Variants in CLMP observed in about 807,000 individuals in gnomAD.
CLMP encodes CXADR like cell adhesion molecule.
Under a neutral mutation model 45.2 loss-of-function variants are expected in CLMP, and 27 were observed. The observed-to-expected ratio is 0.60, with a 90% CI of 0.44 to 0.82. CLMP has a LOEUF of 0.82. Ranked by LOEUF, CLMP falls within the 40% of genes least tolerant of loss-of-function variation. CLMP has a pLI of 0.00. For synonymous variants in CLMP, 167 were observed against 171.4 expected (o/e 0.97, Z 0.20); for missense variants, 403 against 448.4 (o/e 0.90, Z 0.91).
rs748437194 is a variant in CLMP at position 123,083,871 on chromosome 11, AAGTGT to A, written c.389-29_389-25del. 1.6e-5 allele frequency: 25 copies of A among 1,609,504 alleles called. 1 individual carries two copies. In the South Asian group the frequency reaches 2.6e-4, roughly 17 times the overall value. On this transcript the variant is annotated intron_variant, in intron 3 of 6. Coordinates refer to ENST00000448775, the MANE Select transcript of CLMP (RefSeq NM_024769.5). ...CACTGGCAACAGCAACAACAAGCAA[AAGTGT>A]AGTGATTCAAAGATCCCCAAACACC...
intron 1 of CLMP, among the ~76,000 whole-genome samples, chr11:123,186,713 G>A (rs905056491): frequency 6.6e-6 from 1 of 152,156 alleles, no homozygotes; most frequent in South Asian, 2.1e-4. Context: ...AGTAGAGACA[G>A]GGTTTCGCCA....
chr11:123,185,263 G>C (rs1004183089), intron 1 of CLMP, among the ~76,000 whole-genome samples: 4 of 152,266 alleles, frequency 2.6e-5, no homozygotes, highest in Non-Finnish European at 5.9e-5. Context: ...GTTGGGGAGG[G>C]AGGGAGAGAG....
intron 1 of CLMP, among the ~76,000 whole-genome samples, chr11:123,101,744 T>C (rs1293031426): frequency 6.6e-6 from 1 of 152,218 alleles, no homozygotes; most frequent in African/African-American, 2.4e-5. Flanking sequence ...ACATTTAGGT[T>C]ACAGTTTAAA....
chr11:123,136,146 C>T (rs1363052886), intron 1 of CLMP: 1 of 627,122 alleles, frequency 1.6e-6, no homozygotes, highest in Non-Finnish European at 3.1e-6. Flanking sequence ...AGAAAGTCAC[C>T]ACCTACTGCA....
chr11:123,150,566 AAGG>A (rs1157349043), intron 1 of CLMP, among the ~76,000 whole-genome samples: 11 of 122,120 alleles, frequency 9.0e-5, no homozygotes, highest in African/African-American at 4.0e-4. Flanking sequence ...GAAGGAAAGG[AAGG>A]AAGGAAGGAA....
At position 123,074,846 on chromosome 11, in the gene CLMP, A is replaced by G. The variant is rs761931052; in HGVS notation, c.680-3T>C. 9 of 1,610,414 alleles carry G rather than the reference A, an allele frequency of 5.6e-6. No homozygotes were observed. Among genetic ancestry groups the G allele is most frequent in the Admixed American group, 5.1e-5 (3 of 58,716 alleles). On this transcript the variant is annotated splice_polypyrimidine_tract_variant and splice_region_variant and intron_variant, in intron 5 of 6. Transcript: ENST00000448775. Reference sequence around the variant, plus strand: ...AACCATGCCGATGCTTTGTACATCTATTTTCTCAGAAGCAAAAGCACAAGT... The same window carrying G: ...AACCATGCCGATGCTTTGTACATCTGTTTTCTCAGAAGCAAAAGCACAAGT...
intron 1 of CLMP, among the ~76,000 whole-genome samples, chr11:123,150,823 T>A (rs977144071): frequency 3.3e-5 from 5 of 152,000 alleles, no homozygotes; most frequent in African/African-American, 1.2e-4. Flanking sequence ...TTCAAGTGAG[T>A]CTCATACCTC....
intron 1 of CLMP, among the ~76,000 whole-genome samples, chr11:123,154,740 T>A (rs1439514144): frequency 6.6e-6 from 1 of 152,188 alleles, no homozygotes; most frequent in Non-Finnish European, 1.5e-5. Context: ...CCTAAAATAA[T>A]AACTGCTTTA....
chr11:123,074,574 A>G (rs952358836), intron 6 of CLMP, 128 bp downstream of exon 6: 3 of 941,486 alleles, frequency 3.2e-6, no homozygotes, highest in Non-Finnish European at 4.9e-6. Flanking sequence ...GGAACTTCCT[A>G]CCTACCAGGA....
intron 1 of CLMP, among the ~76,000 whole-genome samples, chr11:123,163,858 G>C (rs1431242567): frequency 6.6e-6 from 1 of 152,204 alleles, no homozygotes; most frequent in Admixed American, 6.5e-5. Flanking sequence ...TTGGGAGCTA[G>C]AGTGTCTCTG....
intron 2 of CLMP, among the ~76,000 whole-genome samples, chr11:123,091,072 C>CTTCT (rs532210019): frequency 6.6e-6 from 1 of 151,894 alleles, no homozygotes; most frequent in Non-Finnish European, 1.5e-5. Flanking sequence ...GATTCTTTTC[C>CTTCT]TTCTTTCTTT....
At chr11:123,096,489 A>C (rs1197751027) in intron 2 of CLMP, among the ~76,000 whole-genome samples, 1 of 152,158 alleles carries the variant, frequency 6.6e-6, no homozygotes, top group East Asian at 1.9e-4. Flanking sequence ...GAGCCATTGC[A>C]CTCCAGCCTG....
At chr11:123,077,747 C>G (rs1865756943) in intron 5 of CLMP, among the ~76,000 whole-genome samples, 1 of 152,182 alleles carries the variant, frequency 6.6e-6, no homozygotes, top group Non-Finnish European at 1.5e-5. Flanking sequence ...GCCCCAGCTC[C>G]AGGACACATA....
At chr11:123,076,636 T>C (rs1865743587) in intron 5 of CLMP, among the ~76,000 whole-genome samples, 1 of 152,098 alleles carries the variant, frequency 6.6e-6, no homozygotes, top group South Asian at 2.1e-4. Context: ...AAACAGCAAG[T>C]ACAATTAATG....
chr11:123,169,134 G>C (rs1285044499), intron 1 of CLMP, among the ~76,000 whole-genome samples: 2 of 152,182 alleles, frequency 1.3e-5, no homozygotes, highest in Non-Finnish European at 2.9e-5. Flanking sequence ...GCTCCCCAAA[G>C]CAGCTGGGCT....
chr11:123,158,421 G>A (rs1245023041), intron 1 of CLMP, among the ~76,000 whole-genome samples: 2 of 152,210 alleles, frequency 1.3e-5, no homozygotes, highest in African/African-American at 2.4e-5. Context: ...AGGTTTGAGT[G>A]CCAGTCTCCT....
chr11:123,129,616 T>G (rs1376426930), intron 1 of CLMP, among the ~76,000 whole-genome samples: 1 of 139,086 alleles, frequency 7.2e-6, no homozygotes, highest in East Asian at 2.0e-4. Flanking sequence ...TATATTATAT[T>G]TATATAATAT....
intron 1 of CLMP, among the ~76,000 whole-genome samples, chr11:123,118,015 T>G (rs1354891550): frequency 2.0e-5 from 3 of 152,208 alleles, no homozygotes; most frequent in Non-Finnish European, 2.9e-5. Context: ...TTGGAATATA[T>G]TCTTATGAAT....
chr11:123,163,156 C>A (rs1275763500), intron 1 of CLMP, among the ~76,000 whole-genome samples: 4 of 151,904 alleles, frequency 2.6e-5, no homozygotes, highest in African/African-American at 4.8e-5. Flanking sequence ...GCAAGGGAGA[C>A]AAAGAACAGG....
Sources: allele counts gnomAD v4.1 joint callset (sites outside exome capture counted in the v4.1 genomes callset), GRCh38; gene constraint gnomAD v4.1.1; transcripts MANE v1.5; gene names NCBI Gene and HGNC (gene_info 2026-07-23, HGNC 2026-07-21).